Variants in PHF6 observed in about 807,000 individuals in gnomAD.
PHF6 encodes PHD finger protein 6, also known as PHD-like zinc finger protein.
In PHF6, 7 loss-of-function variants were observed where a neutral mutation model predicts 34.0. That is an observed-to-expected ratio of 0.21 (90% CI 0.12 to 0.39). The LOEUF (loss-of-function observed/expected upper bound fraction) is 0.39. Ranked by LOEUF, PHF6 falls within the 10% of genes least tolerant of loss-of-function variation. The pLI is 1.00. For synonymous variants in PHF6, 89 were observed against 88.4 expected, an observed-to-expected ratio of 1.01 and a Z score of -0.04; for missense variants, 128 against 262.8, an observed-to-expected ratio of 0.49 and a Z score of 3.55.
chrX:134,381,709 G>A (rs187315101), intron 3 of PHF6, among the ~76,000 whole-genome samples: 4 of 109,478 alleles, frequency 3.7e-5, no homozygotes, highest in Non-Finnish European at 5.7e-5. Context: ...TAGGCTGGTC[G>A]CGAACTCCTG....
intron 5 of PHF6, among the ~76,000 whole-genome samples, chrX:134,406,354 G>C (rs1012243385): frequency 2.7e-5 from 3 of 109,936 alleles, no homozygotes; most frequent in Non-Finnish European, 5.6e-5. Flanking sequence ...CTTGTGAATG[G>C]TAAGTAACTT....
At chrX:134,402,389 G>C (rs960434046) in intron 5 of PHF6, among the ~76,000 whole-genome samples, 1 of 112,021 alleles carries the variant, frequency 8.9e-6, no homozygotes, top group Non-Finnish European at 1.9e-5. Context: ...GCATTGAATA[G>C]ACTTATGAAG....
At chrX:134,406,752 A>T (rs890966421) in intron 5 of PHF6, among the ~76,000 whole-genome samples, 14 of 112,206 alleles carry the variant, frequency 1.2e-4, no homozygotes, top group Non-Finnish European at 1.3e-4. Context: ...CGCCTGCCTT[A>T]TCAGCCTGGA....
chrX:134,410,455 A>G (rs1415330186), intron 5 of PHF6, among the ~76,000 whole-genome samples: 1 of 111,296 alleles, frequency 9.0e-6, no homozygotes. Flanking sequence ...ATGCTGGAGA[A>G]GTTAAATATT....
intron 5 of PHF6, among the ~76,000 whole-genome samples, chrX:134,412,009 G>A (rs112081142): frequency 0.018 from 2,061 of 112,278 alleles, 49 homozygotes; most frequent in African/African-American, 0.063. Flanking sequence ...TGGGATTACA[G>A]GCGTGAGCCA....
intron 9 of PHF6, among the ~76,000 whole-genome samples, chrX:134,424,087 G>A (rs1299911650): frequency 1.9e-5 from 2 of 107,365 alleles, no homozygotes; most frequent in African/African-American, 6.9e-5. Flanking sequence ...TTGTGCACAT[G>A]TACCCTAGAA....
In PHF6 at chrX:134,393,836, C is replaced by T. The variant is rs749648689; in HGVS notation, c.375-73C>T. ...CTAGTGAATTGGGTGAAGTGTACTG[C>T]TCGTTTTCTTAATTTGAAAAGTGAG... On this transcript the variant is annotated intron_variant, in intron 4 of 10. Coordinates refer to ENST00000370803, the MANE Select transcript of PHF6 (RefSeq NM_001015877.2). 5.0e-6 allele frequency: 5 copies of T among 993,168 alleles called. No homozygotes were observed. In the East Asian group the frequency reaches 1.5e-4, roughly 30 times the overall value. The allele number at this position is 993,168 out of a possible 1,213,427, so 81.8% of individuals were successfully genotyped here.
chrX:134,411,896 C>G (rs1456404366), intron 5 of PHF6, among the ~76,000 whole-genome samples: 1 of 111,157 alleles, frequency 9.0e-6, no homozygotes, highest in Non-Finnish European at 1.9e-5. Context: ...CCACACCCGG[C>G]TAATTTTTTG....
intron 5 of PHF6, among the ~76,000 whole-genome samples, chrX:134,408,334 G>A (rs1436879994): frequency 8.9e-6 from 1 of 111,994 alleles, no homozygotes; most frequent in Non-Finnish European, 1.9e-5. Context: ...ACTTATACGA[G>A]TGACTCTGTA....
intron 9 of PHF6, 98 bp from the exon 10 acceptor site, chrX:134,425,103 A>T: frequency 1.9e-6 from 2 of 1,034,677 alleles, no homozygotes; most frequent in Non-Finnish European, 2.7e-6. Context: ...GAGGAAACCC[A>T]TGTTTTAAAT....
At position 134,426,775 on chromosome X, in the gene PHF6, T is replaced by C. The variant is rs2077509068; in HGVS notation, c.*1115T>C. ...TTTAGAAAGGATTTTCACACTGGCA[T>C]TTCTAGGTAGTGATATTTTCTTCCA... On this transcript the variant is annotated 3_prime_UTR_variant, in exon 11 of 11. Coordinates refer to ENST00000370803, the MANE Select transcript of PHF6 (RefSeq NM_001015877.2). 6.2e-6 allele frequency: 1 copy of C among 160,198 alleles called. No homozygotes were observed. Among genetic ancestry groups the C allele is most frequent in the South Asian group, 3.3e-4 (1 of 3,064 alleles). 13.2% of individuals were successfully genotyped at this position (160,198 alleles called of 1,213,427 possible).
intron 3 of PHF6, among the ~76,000 whole-genome samples, chrX:134,387,434 T>C (rs1297183217): frequency 2.7e-5 from 3 of 111,253 alleles, no homozygotes; most frequent in Non-Finnish European, 5.7e-5. Context: ...TTGGTACTTA[T>C]TTGAGCATAG....
intron 5 of PHF6, among the ~76,000 whole-genome samples, chrX:134,401,165 A>G (rs1000637735): frequency 2.7e-5 from 3 of 111,375 alleles, no homozygotes; most frequent in East Asian, 5.6e-4. Flanking sequence ...CAGTACACCA[A>G]CGCTCCTCCT....
intron 3 of PHF6, among the ~76,000 whole-genome samples, chrX:134,386,151 T>C (rs965033964): frequency 2.7e-5 from 3 of 111,408 alleles, no homozygotes; most frequent in African/African-American, 9.8e-5. Context: ...TCAAAAAATA[T>C]TAAATAAGTA....
rs369042400 is a variant in PHF6 at position 134,384,520 on chromosome X, G to A, written c.240+6414G>A. On this transcript the variant is annotated intron_variant, in intron 3 of 10. Transcript: ENST00000370803. The stretch of plus-strand genomic sequence containing the variant: ...TTAAACCAGTATTCATTACCACCCC[G>A]CCCACCACGCCCACTCCCTGAAACC... Among the ~76,000 whole-genome samples the A allele has an allele frequency of 5.0e-4, 52 of 104,583 alleles. No individual in the cohort carries two copies. In the South Asian group the frequency reaches 0.023, roughly 47 times the overall value. 90.8% of individuals were successfully genotyped at this position (104,583 alleles called of 115,157 possible).
chrX:134,373,948 G>C lies in PHF6; in HGVS notation c.-47+481G>C, dbSNP rs1020907587. On this transcript the variant is annotated intron_variant, in intron 1 of 10. Transcript: ENST00000370803. ...ACTGTGAGAGGGCTAACTCTTGGGG[G>C]AGGGGGCATAAAGAAAGTGGTAGGA... Among the ~76,000 whole-genome samples the C allele has an allele frequency of 4.6e-5, 5 of 109,116 alleles. 1 individual carries two copies. In the South Asian group the frequency reaches 1.2e-3, roughly 27 times the overall value. 94.8% of individuals were successfully genotyped at this position (109,116 alleles called of 115,157 possible).
intron 10 of PHF6, 54 bp downstream of exon 10, chrX:134,425,384 T>G: frequency 8.6e-7 from 1 of 1,169,141 alleles, no homozygotes. Context: ...CACACTGATA[T>G]ATACATGTTG....
chrX:134,413,207 T>A (rs1476293066), intron 5 of PHF6, among the ~76,000 whole-genome samples: 1 of 112,304 alleles, frequency 8.9e-6, no homozygotes, highest in African/African-American at 3.2e-5. Flanking sequence ...GTAAGTGTAT[T>A]TTCTAGGTAA....
At chrX:134,417,426 T>C (rs903987598) in intron 9 of PHF6, 124 bp downstream of exon 9, 1 of 703,588 alleles carries the variant, frequency 1.4e-6, no homozygotes, top group African/African-American at 2.1e-5. Flanking sequence ...ACTGAGCACA[T>C]TATGTAAGGA....
Sources: allele counts gnomAD v4.1 joint callset (sites outside exome capture counted in the v4.1 genomes callset), GRCh38; gene constraint gnomAD v4.1.1; transcripts MANE v1.5; gene names NCBI Gene and HGNC (gene_info 2026-07-23, HGNC 2026-07-21).